The following NAALADL2 variants were observed in gnomAD, a reference collection of about 807,000 sequenced individuals.
The protein encoded by NAALADL2 is N-acetylated alpha-linked acidic dipeptidase like 2.
Under a neutral mutation model 87.2 loss-of-function variants are expected in NAALADL2, and 76 were observed. The observed-to-expected ratio is 0.87, with a 90% CI of 0.72 to 1.05. The LOEUF (loss-of-function observed/expected upper bound fraction) is 1.05. NAALADL2 is among the 50% of genes least tolerant of loss of function. NAALADL2 has a pLI of 0.00. For missense variants in NAALADL2, 1,089 were observed against 945.8 expected (o/e 1.15, Z -1.99); for synonymous variants, 354 against 331.0 (o/e 1.07, Z -0.75).
intron 2 of NAALADL2, among the ~76,000 whole-genome samples, chr3:174,612,658 T>C (rs531164835): frequency 1.3e-5 from 2 of 152,266 alleles, no homozygotes; most frequent in South Asian, 4.1e-4. Flanking sequence ...TTCATTCTTT[T>C]TGTTTAATTT....
chr3:175,561,390 G>A (rs890400400), intron 9 of NAALADL2, among the ~76,000 whole-genome samples: 1 of 152,150 alleles, frequency 6.6e-6, no homozygotes. Flanking sequence ...TACATGTTCA[G>A]TATAGGCAGA....
chr3:174,842,544 G>A (rs1724144902), intron 3 of NAALADL2, among the ~76,000 whole-genome samples: 1 of 152,092 alleles, frequency 6.6e-6, no homozygotes, highest in Non-Finnish European at 1.5e-5. Context: ...GATTTCATGG[G>A]AATCTCATAA....
At chr3:175,073,848 C>T (rs1716100160) in intron 1 of NAALADL2, among the ~76,000 whole-genome samples, 1 of 151,940 alleles carries the variant, frequency 6.6e-6, no homozygotes, top group African/African-American at 2.4e-5. Context: ...ATGGAATGAT[C>T]GTCATAAAAA....
intron 3 of NAALADL2, among the ~76,000 whole-genome samples, chr3:174,753,704 C>A (rs1397711576): frequency 2.0e-5 from 3 of 152,150 alleles, no homozygotes; most frequent in Non-Finnish European, 4.4e-5. Flanking sequence ...CCTCTCTACC[C>A]AGCCAGTGGT....
intron 3 of NAALADL2, among the ~76,000 whole-genome samples, chr3:174,831,342 C>A (rs1335607818): frequency 6.8e-6 from 1 of 146,436 alleles, no homozygotes; most frequent in African/African-American, 2.6e-5. Flanking sequence ...TGTCAAAGGC[C>A]TTTTCTGCAT....
At position 175,803,079 on chromosome 3, in the gene NAALADL2, C is replaced by G. The variant is rs771334609; in HGVS notation, c.2264C>G (p.Pro755Arg). 6.2e-6 allele frequency: 10 copies of G among 1,612,144 alleles called. No individual in the cohort carries two copies. Among genetic ancestry groups the G allele is most frequent in the African/African-American group, 1.3e-5 (1 of 74,800 alleles). Residue 755 changes from proline to arginine, a missense_variant, in exon 14 of 14, where the codon CCC becomes CGC. Coordinates refer to ENST00000454872, the MANE Select transcript of NAALADL2 (RefSeq NM_207015.3). ...ILIEAWEHCK[P>R]LASNETLQEA... ...ATAGAGGCTTGGGAACACTGCAAAC[C>G]CCTTGCATCAAATGAGACCCTTCAA...
intron 1 of NAALADL2, among the ~76,000 whole-genome samples, chr3:174,907,718 C>A (rs371949469): frequency 3.0e-4 from 45 of 152,100 alleles, no homozygotes; most frequent in African/African-American, 1.1e-3. Context: ...TGGTGGTGTT[C>A]ATTAGTAACA....
intron 9 of NAALADL2, among the ~76,000 whole-genome samples, chr3:175,522,682 C>T (rs1279291668): frequency 1.3e-5 from 2 of 152,214 alleles, no homozygotes; most frequent in East Asian, 1.9e-4. Flanking sequence ...TACCTGATCT[C>T]ACTTCTGATA....
intron 2 of NAALADL2, among the ~76,000 whole-genome samples, chr3:174,660,293 C>G (rs1199944576): frequency 6.6e-6 from 1 of 152,134 alleles, no homozygotes; most frequent in African/African-American, 2.4e-5. Context: ...TTTCGACTGA[C>G]AAAATGCAAT....
chr3:175,141,899 G>A (rs9990204), intron 2 of NAALADL2, among the ~76,000 whole-genome samples: 13,618 of 152,036 alleles, frequency 0.09, 1,927 homozygotes, highest in African/African-American at 0.3. Context: ...GATGTAATTT[G>A]GAAGGCCAGC....
At chr3:175,398,990 G>A (rs964328452) in intron 5 of NAALADL2, among the ~76,000 whole-genome samples, 11 of 151,626 alleles carry the variant, frequency 7.3e-5, no homozygotes, top group Non-Finnish European at 1.3e-4. Context: ...GAGCATTCTC[G>A]AAAGTAAGAG....
intron 5 of NAALADL2, among the ~76,000 whole-genome samples, chr3:175,382,094 G>A (rs936095518): frequency 2.6e-5 from 4 of 152,102 alleles, no homozygotes; most frequent in Non-Finnish European, 5.9e-5. Flanking sequence ...GGAGGGGAGC[G>A]CCTTAGAGAA....
intron 5 of NAALADL2, among the ~76,000 whole-genome samples, chr3:175,420,321 G>A (rs767088027): frequency 9.2e-5 from 14 of 151,950 alleles, no homozygotes; most frequent in Non-Finnish European, 1.8e-4. Flanking sequence ...GGATGGTATC[G>A]TTTGCATATT....
chr3:175,285,226 T>C (rs1754837062), intron 4 of NAALADL2, among the ~76,000 whole-genome samples: 1 of 152,276 alleles, frequency 6.6e-6, no homozygotes, highest in East Asian at 1.9e-4. Context: ...CACTAGTCAA[T>C]AGGAGAATTT....
chr3:174,557,462 G>A (rs538995631), intron 2 of NAALADL2, among the ~76,000 whole-genome samples: 1 of 151,996 alleles, frequency 6.6e-6, no homozygotes, highest in East Asian at 1.9e-4. Context: ...AATATTTGAG[G>A]TATCTTTTTA....
At chr3:174,586,526 T>C (rs1204749967) in intron 2 of NAALADL2, among the ~76,000 whole-genome samples, 1 of 152,180 alleles carries the variant, frequency 6.6e-6, no homozygotes, top group Non-Finnish European at 1.5e-5. Context: ...AGTGGTCCAG[T>C]GGCAGTTGGC....
intron 11 of NAALADL2, among the ~76,000 whole-genome samples, chr3:175,650,943 G>A (rs1730678564): frequency 6.6e-6 from 1 of 152,126 alleles, no homozygotes; most frequent in African/African-American, 2.4e-5. Context: ...TATTATCGAA[G>A]TTACATAACT....
At chr3:174,486,513 C>T (rs1717869805) in intron 1 of NAALADL2, among the ~76,000 whole-genome samples, 3 of 151,998 alleles carry the variant, frequency 2.0e-5, no homozygotes. Context: ...GGGGAAGTTT[C>T]TGCGTGTGAA....
intron 12 of NAALADL2, among the ~76,000 whole-genome samples, chr3:175,737,832 C>T (rs1379826839): frequency 6.8e-6 from 1 of 147,562 alleles, no homozygotes; most frequent in African/African-American, 2.5e-5. Flanking sequence ...GGCCCCATTC[C>T]ATTTGACTGA....
Sources: allele counts gnomAD v4.1 joint callset (sites outside exome capture counted in the v4.1 genomes callset), GRCh38; gene constraint gnomAD v4.1.1; transcripts MANE v1.5; gene names NCBI Gene and HGNC (gene_info 2026-07-23, HGNC 2026-07-21).